ANKRD30B: variants seen among roughly 807,000 people sequenced by gnomAD.
ANKRD30B encodes ankyrin repeat domain 30B, also known as ankyrin repeat domain-containing protein 30B.
Under a neutral mutation model 202.2 loss-of-function variants are expected in ANKRD30B, and 144 were observed. The ratio of observed to expected loss-of-function variants is 0.71; its 90% CI spans 0.62 to 0.82. The LOEUF (loss-of-function observed/expected upper bound fraction) is 0.82, where lower values mean the gene tolerates loss of function less well. Among genes scored for constraint, ANKRD30B ranks in the 40% least tolerant of loss-of-function variants. ANKRD30B has a pLI of 0.00. For missense variants in ANKRD30B, 1,487 were observed against 1,669.1 expected, an observed-to-expected ratio of 0.89 and a Z score of 1.90; for synonymous variants, 508 against 561.3, an observed-to-expected ratio of 0.91 and a Z score of 1.34.
At chr18:14,935,229 G>A in the ANKRD30B span, among the ~76,000 whole-genome samples, 3 of 152,344 alleles carry the variant, frequency 2.0e-5, no homozygotes, top group Admixed American at 6.5e-5. Context: ...AGAGGGGTAT[G>A]TAAGAGCAGC....
chr18:14,779,302 T>A (rs1179635893), intron 10 of ANKRD30B, among the ~76,000 whole-genome samples: 2 of 152,216 alleles, frequency 1.3e-5, no homozygotes, highest in Non-Finnish European at 2.9e-5. Context: ...AAATGTCTAA[T>A]GTTTCTCCAA....
At chr18:14,754,500 T>A (rs2143652781) in intron 3 of ANKRD30B, among the ~76,000 whole-genome samples, 1 of 152,220 alleles carries the variant, frequency 6.6e-6, no homozygotes, top group Admixed American at 6.5e-5. Context: ...TGGAATATAG[T>A]TTAAGAAACA....
intron 34 of ANKRD30B, 45 bp from the exon 35 acceptor site, chr18:14,837,166 G>C: frequency 7.7e-7 from 1 of 1,299,234 alleles, no homozygotes; most frequent in Non-Finnish European, 1.0e-6. Flanking sequence ...ATTTTTTTCT[G>C]AAGTTTTTTT....
chr18:14,768,154 AT>A (rs916367063), intron 7 of ANKRD30B, among the ~76,000 whole-genome samples: 1 of 151,990 alleles, frequency 6.6e-6, no homozygotes, highest in African/African-American at 2.4e-5. Flanking sequence ...GGAGCCACAG[AT>A]TTTTTTTATT....
chr18:14,921,599 C>T, the ANKRD30B span, among the ~76,000 whole-genome samples: 46 of 152,158 alleles, frequency 3.0e-4, 1 homozygote, highest in African/African-American at 1.0e-3. Flanking sequence ...CTAAACCAAG[C>T]ACTATGAAAA....
At chr18:14,833,930 C>T (rs1353595836) in intron 34 of ANKRD30B, among the ~76,000 whole-genome samples, 1 of 152,104 alleles carries the variant, frequency 6.6e-6, no homozygotes, top group African/African-American at 2.4e-5. Context: ...CTTTTGAGGG[C>T]ATCTCTGTCT....
Position 14,787,080 on chromosome 18 carries a change from G to T in ANKRD30B, c.1714G>T (p.Glu572Ter). The T allele has an allele frequency of 6.2e-7, 1 of 1,609,344 alleles. No individual in the cohort carries two copies. The change falls in exon 15 of 44, where the codon GAA (glutamate) becomes TAA (stop). Residue 572 changes from glutamate to a stop codon, truncating the protein, a stop_gained. Transcript: ENST00000690538. LOFTEE classifies it high-confidence loss of function. ...AGAATCCAAACAAAAGGACGATGAA[G>T]AAAATTCTTGGGATTCTGAGGTACT... ...PSESKQKDDE[E>*]NSWDSESPCE...
chr18:14,908,140 A>AGG, the ANKRD30B span, among the ~76,000 whole-genome samples: 1 of 152,200 alleles, frequency 6.6e-6, no homozygotes, highest in Non-Finnish European at 1.5e-5. Flanking sequence ...AGCAAAGAGG[A>AGG]GGCATGGCTA....
chr18:14,870,097 A>G, the ANKRD30B span, among the ~76,000 whole-genome samples: 1 of 152,108 alleles, frequency 6.6e-6, no homozygotes, highest in South Asian at 2.1e-4. Flanking sequence ...CGGCCTCCCA[A>G]AGTGTTGGGA....
intron 18 of ANKRD30B, 97 bp from the exon 19 acceptor site, chr18:14,797,564 A>G: frequency 1.5e-6 from 2 of 1,357,048 alleles, no homozygotes; most frequent in South Asian, 2.3e-5. Context: ...TTCCAATCCA[A>G]GCATGAGGAT....
intron 41 of ANKRD30B, among the ~76,000 whole-genome samples, chr18:14,851,211 T>G (rs1971868656): frequency 1.3e-5 from 2 of 151,060 alleles, no homozygotes; most frequent in South Asian, 4.2e-4. Flanking sequence ...ATTTTATGCT[T>G]TTGAGCTTGT....
rs952553847 is a variant in ANKRD30B at position 14,806,737 on chromosome 18, G to T, written c.2285-1814G>T. Among the ~76,000 whole-genome samples the T allele has an allele frequency of 2.2e-4, 33 of 148,876 alleles. 1 individual carries two copies. The highest frequency in any genetic ancestry group is 4.3e-4 in the Non-Finnish European group (29 of 67,254). On this transcript the variant is annotated intron_variant, in intron 24 of 43. Coordinates refer to ENST00000690538, the MANE Select transcript of ANKRD30B (RefSeq NM_001367607.2). ...TTTATCTTGTCTTAGAAAGGTCAAA[G>T]CCAGCTATTTTCTTCATAAAGGAAA... is the stretch of plus-strand genomic sequence containing the variant.
chr18:14,794,285 T>G (rs1027749947), intron 16 of ANKRD30B, among the ~76,000 whole-genome samples: 2 of 151,704 alleles, frequency 1.3e-5, no homozygotes, highest in Non-Finnish European at 2.9e-5. Flanking sequence ...GAACCAGAGT[T>G]TTCAACCATA....
At chr18:14,831,575 G>A (rs572497644) in intron 34 of ANKRD30B, 120 bp downstream of exon 34, 3 of 526,260 alleles carry the variant, frequency 5.7e-6, no homozygotes, top group South Asian at 6.4e-5. Flanking sequence ...TATAAAGTTG[G>A]TCACATAAAA....
At chr18:14,777,913 C>T (rs1369782788) in intron 9 of ANKRD30B, 72 bp from the exon 10 acceptor site, 2 of 1,057,712 alleles carry the variant, frequency 1.9e-6, no homozygotes, top group Non-Finnish European at 2.8e-6. Context: ...ACTGAGCCAC[C>T]CTGTGAGACT....
At chr18:14,877,818 C>G in the ANKRD30B span, 1 of 152,188 alleles carries the variant, frequency 6.6e-6, no homozygotes, top group African/African-American at 2.4e-5. Flanking sequence ...GGAAATTCTC[C>G]TGGGTTTTCC....
the ANKRD30B span, among the ~76,000 whole-genome samples, chr18:14,920,931 CTG>C: frequency 1.3e-5 from 2 of 152,230 alleles, no homozygotes; most frequent in Non-Finnish European, 2.9e-5. Flanking sequence ...TTTTATGTCT[CTG>C]TCTCAGAGCA....
the ANKRD30B span, among the ~76,000 whole-genome samples, chr18:14,925,736 G>T: frequency 6.6e-6 from 1 of 152,292 alleles, no homozygotes; most frequent in Non-Finnish European, 1.5e-5. Context: ...GCTCCCAGGT[G>T]TCTCAGTGCA....
chr18:14,887,364 T>G, the ANKRD30B span, among the ~76,000 whole-genome samples: 1 of 152,280 alleles, frequency 6.6e-6, no homozygotes, highest in South Asian at 2.1e-4. Context: ...GATTAGAAAA[T>G]TACTAAATTT....
Sources: gnomAD v4.1 joint callset for allele counts (sites outside exome capture counted in the v4.1 genomes callset) on GRCh38, gnomAD v4.1.1 for gene constraint, MANE v1.5 for transcripts, NCBI Gene and HGNC (gene_info 2026-07-23, HGNC 2026-07-21) for gene names.